The following RBFOX1 variants were observed in gnomAD, a reference collection of about 807,000 sequenced individuals.
The protein encoded by RBFOX1 is RNA binding fox-1 homolog 1.
RBFOX1 carries 8 observed loss-of-function variants against 57.7 expected under a neutral mutation model. The ratio of observed to expected loss-of-function variants is 0.14; its 90% CI spans 0.08 to 0.25. RBFOX1 has a LOEUF of 0.25. RBFOX1 is among the 10% of genes least tolerant of loss of function. RBFOX1 has a pLI of 1.00. For synonymous variants in RBFOX1, 326 were observed against 222.4 expected (o/e 1.47, Z -4.15); for missense variants, 611 against 548.5 (o/e 1.11, Z -1.14).
intron 13 of RBFOX1, among the ~76,000 whole-genome samples, chr16:7,672,154 G>T (rs896918103): frequency 1.3e-5 from 2 of 152,158 alleles, no homozygotes; most frequent in Non-Finnish European, 2.9e-5. Context: ...CAAGCCTGTT[G>T]TTATAGCTTT....
At chr16:6,811,638 C>G (rs569133127) in intron 3 of RBFOX1, among the ~76,000 whole-genome samples, 1 of 152,130 alleles carries the variant, frequency 6.6e-6, no homozygotes, top group Non-Finnish European at 1.5e-5. Context: ...GTCTGTAATC[C>G]TAGCACTTTG....
At chr16:7,404,360 G>T (rs1277195273) in intron 4 of RBFOX1, among the ~76,000 whole-genome samples, 1 of 152,084 alleles carries the variant, frequency 6.6e-6, no homozygotes, top group Non-Finnish European at 1.5e-5. Flanking sequence ...GCCGACATAG[G>T]AATTTATTTA....
chr16:6,251,752 C>T (rs1423744943), intron 1 of RBFOX1, among the ~76,000 whole-genome samples: 1 of 152,114 alleles, frequency 6.6e-6, no homozygotes, highest in East Asian at 1.9e-4. Flanking sequence ...GATGCTTCCT[C>T]TTCATGCTGC....
At chr16:6,545,544 A>C (rs926000319) in intron 2 of RBFOX1, among the ~76,000 whole-genome samples, 8 of 151,984 alleles carry the variant, frequency 5.3e-5, no homozygotes, top group African/African-American at 1.7e-4. Context: ...CTCTTATGTC[A>C]CATCTCGGTT....
At chr16:7,707,810 G>GT (rs1429529161) in intron 14 of RBFOX1, among the ~76,000 whole-genome samples, 1 of 152,142 alleles carries the variant, frequency 6.6e-6, no homozygotes, top group East Asian at 1.9e-4. Context: ...CATCTCAGAC[G>GT]TTGCGTTTTT....
intron 3 of RBFOX1, among the ~76,000 whole-genome samples, chr16:6,706,936 A>G (rs2062857616): frequency 6.6e-6 from 1 of 152,134 alleles, no homozygotes; most frequent in African/African-American, 2.4e-5. Flanking sequence ...CTGTATAGTC[A>G]CTTAAAAGAA....
At chr16:5,372,647 A>G (rs893300976) in intron 1 of RBFOX1, among the ~76,000 whole-genome samples, 4 of 152,120 alleles carry the variant, frequency 2.6e-5, no homozygotes, top group Non-Finnish European at 5.9e-5. Flanking sequence ...GCTTCATCCA[A>G]TCCTGTCAAT....
chr16:6,866,791 C>T (rs1194780529), intron 3 of RBFOX1, among the ~76,000 whole-genome samples: 6 of 151,908 alleles, frequency 3.9e-5, no homozygotes, highest in Non-Finnish European at 1.5e-5. Context: ...ATCTGCCTGC[C>T]TTGGCCTCCC....
At chr16:6,062,278 A>C (rs1196971078) in intron 1 of RBFOX1, among the ~76,000 whole-genome samples, 1 of 142,490 alleles carries the variant, frequency 7.0e-6, no homozygotes, top group Non-Finnish European at 1.5e-5. Flanking sequence ...ATTGGTGATC[A>C]ACTCCATCTT....
chr16:7,262,652 C>T (rs943912388), intron 4 of RBFOX1, among the ~76,000 whole-genome samples: 4 of 152,222 alleles, frequency 2.6e-5, no homozygotes, highest in Non-Finnish European at 4.4e-5. Flanking sequence ...GTCTCAAATA[C>T]AATCTGCAAT....
At chr16:7,550,096 A>C (rs2085874871) in intron 5 of RBFOX1, among the ~76,000 whole-genome samples, 1 of 149,998 alleles carries the variant, frequency 6.7e-6, no homozygotes, top group African/African-American at 2.5e-5. Context: ...TGCCTGGCTA[A>C]TTTTTTAATT....
intron 3 of RBFOX1, among the ~76,000 whole-genome samples, chr16:5,765,072 A>G (rs569685506): frequency 2.6e-5 from 4 of 152,316 alleles, no homozygotes; most frequent in Non-Finnish European, 5.9e-5. Context: ...ACCTTTCCAA[A>G]TGTGTGCACA....
rs116733692 is a variant in RBFOX1, at chr16:5,967,283, A to G, written c.351+99948A>G. 3.3e-3 allele frequency among the ~76,000 whole-genome samples: 505 copies of G among 152,300 alleles called. 2 individuals carry two copies. The highest frequency in any genetic ancestry group is 0.012 in the African/African-American group (486 of 41,556). ...AATGAGCATATATCAATCTATGAAT[A>G]ATTTTTATACTATGTATACATTATG... On this transcript the variant is annotated intron_variant, in intron 4 of 19. Coordinates refer to the RBFOX1 transcript ENST00000641259.
At chr16:7,214,055 G>T (rs918528601) in intron 4 of RBFOX1, among the ~76,000 whole-genome samples, 1 of 150,608 alleles carries the variant, frequency 6.6e-6, no homozygotes, top group African/African-American at 2.5e-5. Flanking sequence ...GTCCTTTCTG[G>T]AAGCTTCTGA....
At chr16:6,500,622 G>A (rs540945024) in intron 2 of RBFOX1, among the ~76,000 whole-genome samples, 1 of 152,208 alleles carries the variant, frequency 6.6e-6, no homozygotes, top group East Asian at 1.9e-4. Context: ...AAGGTGAAGA[G>A]GCAATTGAAG....
chr16:7,041,191 C>T (rs1478565500), intron 3 of RBFOX1, among the ~76,000 whole-genome samples: 1 of 150,476 alleles, frequency 6.6e-6, no homozygotes, highest in East Asian at 1.9e-4. Context: ...GCCTTGTCCT[C>T]CCAAAGTGCT....
At chr16:7,021,801 A>T (rs1390229533) in intron 3 of RBFOX1, among the ~76,000 whole-genome samples, 1 of 151,078 alleles carries the variant, frequency 6.6e-6, no homozygotes, top group Non-Finnish European at 1.5e-5. Flanking sequence ...CATGCTTGAA[A>T]AGCCTTTATA....
chr16:5,926,179 T>A (rs1413368905), intron 4 of RBFOX1, among the ~76,000 whole-genome samples: 2 of 152,230 alleles, frequency 1.3e-5, no homozygotes, highest in Non-Finnish European at 2.9e-5. Context: ...GCATTCCTTT[T>A]AAATCTGATA....
At chr16:6,983,729 C>T (rs1437176425) in intron 3 of RBFOX1, 2 of 152,440 alleles carry the variant, frequency 1.3e-5, no homozygotes, top group South Asian at 2.1e-4. Context: ...GTCTGCTCTT[C>T]TGCTCAGAAG....
Sources: gnomAD v4.1 joint callset for allele counts (sites outside exome capture counted in the v4.1 genomes callset) on GRCh38, gnomAD v4.1.1 for gene constraint, MANE v1.5 for transcripts, NCBI Gene and HGNC (gene_info 2026-07-23, HGNC 2026-07-21) for gene names.